Variants in ATP1A2 observed in about 807,000 individuals in gnomAD.
ATP1A2 encodes ATPase Na+/K+ transporting subunit alpha 2, also known as sodium/potassium-transporting ATPase subunit alpha-2.
In ATP1A2, 56 loss-of-function variants were observed where a neutral mutation model predicts 113.1. That is an observed-to-expected ratio of 0.49 (90% confidence interval 0.40 to 0.62). The LOEUF is 0.62. Ranked by LOEUF, ATP1A2 falls within the 20% of genes least tolerant of loss-of-function variation. The probability of loss-of-function intolerance (pLI) is 0.00; values close to 1 mark genes in which losing one functional copy is unlikely to be tolerated. For synonymous variants in ATP1A2, 490 were observed against 526.8 expected (o/e 0.93, Z 0.96); for missense variants, 712 against 1,357.8 (o/e 0.52, Z 7.47).
intron 3 of ATP1A2, among the ~76,000 whole-genome samples, 158 bp from the exon 4 acceptor site, chr1:160,123,055 C>T (rs147576215): frequency 3.2e-3 from 482 of 152,308 alleles, no homozygotes; most frequent in Non-Finnish European, 5.4e-3. Flanking sequence ...ATGCCACCTC[C>T]TCCATGTGGT....
At position 160,134,931 on chromosome 1, in the gene ATP1A2, A is replaced by C. The variant is rs72706621; in HGVS notation, c.1965-214A>C. 0.087 allele frequency among the ~76,000 whole-genome samples: 13,212 copies of C among 152,266 alleles called. 701 individuals carry two copies. Among genetic ancestry groups the C allele is most frequent in the East Asian group, 0.14 (725 of 5,172 alleles). On this transcript the variant is annotated intron_variant, in intron 14 of 22. Coordinates refer to ENST00000361216, the MANE Select transcript of ATP1A2 (RefSeq NM_000702.4). ...ACTAGCCCAGGGCCTAGCAAACTGC[A>C]CTTACAACTGCGATGATCCCATGGT...
intron 7 of ATP1A2, 151 bp downstream of exon 7, chr1:160,125,404 C>T (rs1420524803): frequency 2.8e-6 from 2 of 714,156 alleles, no homozygotes; most frequent in African/African-American, 3.5e-5. Flanking sequence ...TGGAAACACC[C>T]TCCACAGAGC....
rs1000030717 is a variant in ATP1A2, at chr1:160,127,754, G to A, written c.951G>A (p.Glu317=). 4.3e-6 allele frequency: 7 copies of A among 1,614,126 alleles called. No individual in the cohort carries two copies. Among genetic ancestry groups the A allele is most frequent in the Non-Finnish European group, 5.1e-6 (6 of 1,179,980 alleles). Residue 317 remains glutamate (E), a synonymous_variant, in exon 8 of 23, where the codon GAG becomes GAA. Transcript: ENST00000361216. Reference sequence around the variant, plus strand: ...TCATCCTGGGCTACAGCTGGCTGGAGGCAGTCATCTTCCTCATCGGCATCA... The same window carrying A: ...TCATCCTGGGCTACAGCTGGCTGGAAGCAGTCATCTTCCTCATCGGCATCA... ...LSLILGYSWL[E]AVIFLIGIIV... is the part of the protein sequence containing the mutation.
Position 160,135,225 on chromosome 1 carries a change from A to G in ATP1A2, c.2045A>G (p.His682Arg). ...SEQLDEILKN[H>R]TEIVFARTSP... ...CAGCTCGATGAGATCCTCAAGAACCACACAGAGATCGTCTTTGCTCGAACG... is the reference window on the plus strand; with the variant it reads ...CAGCTCGATGAGATCCTCAAGAACCGCACAGAGATCGTCTTTGCTCGAACG... The change falls in exon 15 of 23, where the codon CAC (histidine) becomes CGC (arginine). Residue 682 changes from histidine (H) to arginine (R), a missense_variant. Physicochemically the swap from His to Arg is conservative, Grantham distance 29 (BLOSUM62 0). This residue lies in a region of ATP1A2 where 263 missense variants were observed against 380.6 expected (regional missense o/e 0.69). Transcript: ENST00000361216. The surrounding 1 kb of genome is among the most constrained non-coding windows in gnomAD (Gnocchi z 6.3). 1 of 1,614,196 alleles carries G rather than the reference A, an allele frequency of 6.2e-7. No individual in the cohort carries two copies. Among genetic ancestry groups the G allele is most frequent in the Non-Finnish European group, 8.5e-7 (1 of 1,180,028 alleles).
intron 12 of ATP1A2, 61 bp downstream of exon 12, chr1:160,130,352 G>A (rs1259414648): frequency 3.1e-6 from 5 of 1,613,992 alleles, no homozygotes; most frequent in African/African-American, 2.7e-5. Flanking sequence ...GCATCCCTGG[G>A]GTGGGGGACT....
At chr1:160,140,130 G>A in intron 22 of ATP1A2, 146 bp downstream of exon 22, 1 of 814,852 alleles carries the variant, frequency 1.2e-6, no homozygotes, top group Non-Finnish European at 2.0e-6. Context: ...GGTCCCAGGA[G>A]CCCTGACTCT....
rs1314705556 is a variant in ATP1A2, at chr1:160,135,463, G to A, written c.2145G>A (p.Gly715=). ...CCATTGTGGCCGTGACGGGTGACGG[G>A]GTGAACGACTCCCCTGCATTGAAGA... ...QGAIVAVTGD[G]VNDSPALKKA... Residue 715 remains glycine, a synonymous_variant, in exon 16 of 23, where the codon GGG becomes GGA. Coordinates refer to ENST00000361216, the MANE Select transcript of ATP1A2 (RefSeq NM_000702.4). This position sits in a 1 kb window ranked among gnomAD's most constrained non-coding sequence, Gnocchi z 6.3. 1.9e-6 allele frequency: 3 copies of A among 1,614,190 alleles called. No individual in the cohort carries two copies. Among genetic ancestry groups the A allele is most frequent in the South Asian group, 2.2e-5 (2 of 91,088 alleles).
At position 160,134,768 on chromosome 1, in the gene ATP1A2, T is replaced by C; in HGVS notation, c.1964+148T>C. 1.1e-5 allele frequency: 14 copies of C among 1,226,364 alleles called. No individual in the cohort carries two copies. The South Asian group carries it at 1.6e-4, about 14-fold the overall frequency. The allele number at this position is 1,226,364 out of a possible 1,614,324, so 76.0% of individuals were successfully genotyped here. ...ACTATTGTGACTGGTTCCTCAGCCC[T>C]GAGCTTGTATCCAGGCTGTGCCACT... On this transcript the variant is annotated intron_variant, in intron 14 of 22. Coordinates refer to ENST00000361216, the MANE Select transcript of ATP1A2 (RefSeq NM_000702.4).
rs772082739 is a variant in ATP1A2 at position 160,123,429 on chromosome 1, G to T, written c.381+13G>T. 1.2e-6 allele frequency: 2 copies of T among 1,614,090 alleles called. No individual in the cohort carries two copies. The highest frequency in any genetic ancestry group is 2.7e-5 in the African/African-American group (2 of 75,038). ...ATCCAACGACAATGTGAGCCCACAC[G>T]CCCGACCCGGGAACAGCCCGTGACT... is the stretch of plus-strand genomic sequence containing the variant. On this transcript the variant is annotated intron_variant, in intron 4 of 22. Coordinates refer to ENST00000361216, the MANE Select transcript of ATP1A2 (RefSeq NM_000702.4).
intron 13 of ATP1A2, among the ~76,000 whole-genome samples, chr1:160,133,999 A>G (rs1651842462): frequency 6.6e-6 from 1 of 151,808 alleles, no homozygotes; most frequent in South Asian, 2.1e-4. Context: ...ACTCAAATTC[A>G]CACAGACACA....
At chr1:160,124,703 T>C (rs1234177938) in intron 6 of ATP1A2, among the ~76,000 whole-genome samples, 1 of 152,214 alleles carries the variant, frequency 6.6e-6, no homozygotes, top group Non-Finnish European at 1.5e-5. Flanking sequence ...AGCTGCTTTA[T>C]ATATGTTCGA....
chr1:160,125,566 C>T, intron 7 of ATP1A2: 1 of 375,692 alleles, frequency 2.7e-6, no homozygotes, highest in South Asian at 2.5e-5. Context: ...CACAGATGCA[C>T]ATACGCTCAG....
rs1558008583 is a variant in ATP1A2, at chr1:160,135,583, C to A, written c.2265C>A (p.Ile755=). ...MILLDDNFAS[I]VTGVEEGRLI... is the part of the protein sequence containing the mutation. Reference sequence around the variant, plus strand: ...TGCTGGATGACAACTTTGCCTCCATCGTCACGGGGGTGGAGGAGGGTGAGG... The same window carrying A: ...TGCTGGATGACAACTTTGCCTCCATAGTCACGGGGGTGGAGGAGGGTGAGG... Residue 755 remains isoleucine (I), a synonymous_variant, in exon 16 of 23, where the codon ATC becomes ATA. Coordinates refer to ENST00000361216, the MANE Select transcript of ATP1A2 (RefSeq NM_000702.4). This position sits in a 1 kb window ranked among gnomAD's most constrained non-coding sequence, Gnocchi z 6.3. 1.2e-6 allele frequency: 2 copies of A among 1,613,924 alleles called. No homozygotes were observed. The highest frequency in any genetic ancestry group is 1.7e-5 in the Admixed American group (1 of 60,000).
At chr1:160,117,112 G>T (rs1045934882) in intron 1 of ATP1A2, among the ~76,000 whole-genome samples, 1 of 152,146 alleles carries the variant, frequency 6.6e-6, no homozygotes, top group African/African-American at 2.4e-5. Flanking sequence ...GTCACTGTGT[G>T]GGGGTGCTTG....
chr1:160,129,522 T>C, intron 11 of ATP1A2, 122 bp downstream of exon 11: 3 of 1,465,590 alleles, frequency 2.0e-6, no homozygotes, highest in Non-Finnish European at 2.8e-6. Flanking sequence ...TCCCTCCCCC[T>C]GCTAAGTCCC....
At chr1:160,117,173 G>A (rs1179261159) in intron 1 of ATP1A2, among the ~76,000 whole-genome samples, 2 of 152,100 alleles carry the variant, frequency 1.3e-5, no homozygotes, top group Non-Finnish European at 2.9e-5. Flanking sequence ...CTTCACGGAG[G>A]AAGAGGTCAT....
rs777325494 is a variant in ATP1A2 at position 160,141,287 on chromosome 1, C to G, written c.3035-7C>G. 6.2e-7 allele frequency: 1 copy of G among 1,614,060 alleles called. No homozygotes were observed. Among genetic ancestry groups the G allele is most frequent in the Non-Finnish European group, 8.5e-7 (1 of 1,179,948 alleles). ...GCTGCAATCTCCACTCCCAATCTCT[C>G]TAACAGGCTGGGTGGAGAAGGAGAC... On this transcript the variant is annotated splice_polypyrimidine_tract_variant and splice_region_variant and intron_variant, in intron 22 of 22. Transcript: ENST00000361216.
At chr1:160,132,265 G>A (rs1651798301) in intron 13 of ATP1A2, among the ~76,000 whole-genome samples, 1 of 152,068 alleles carries the variant, frequency 6.6e-6, no homozygotes, top group African/African-American at 2.4e-5. Flanking sequence ...GTTGAGACTG[G>A]AACACTGGGT....
In ATP1A2 at chr1:160,124,224, G is replaced by A. The variant is rs1651510356; in HGVS notation, c.496-72G>A. The A allele has an allele frequency of 5.8e-6, 9 of 1,556,444 alleles. No individual in the cohort carries two copies. The Admixed American group carries it at 1.7e-4, about 30-fold the overall frequency. On this transcript the variant is annotated intron_variant, in intron 5 of 22. Coordinates refer to ENST00000361216, the MANE Select transcript of ATP1A2 (RefSeq NM_000702.4). ...GGGGCTTCTCCTTCTGCTTGACGGT[G>A]TGGGAGACCAGCAGGAGAAGAAGGC...
Sources: allele counts gnomAD v4.1 joint callset (sites outside exome capture counted in the v4.1 genomes callset), GRCh38; gene constraint gnomAD v4.1.1; regional missense constraint gnomAD v4.1.1; non-coding constraint Gnocchi (gnomAD v3.1); transcripts MANE v1.5; gene names NCBI Gene and HGNC (gene_info 2026-07-23, HGNC 2026-07-21).